Variants in SORCS2 observed in about 807,000 individuals in gnomAD.
SORCS2 encodes the protein VPS10 domain-containing receptor SorCS2.
In SORCS2, 100 loss-of-function variants were observed where a neutral mutation model predicts 141.6. That is an observed-to-expected ratio of 0.71 (90% confidence interval 0.60 to 0.83). SORCS2 has a LOEUF of 0.83. SORCS2 is among the 40% of genes least tolerant of loss of function. The probability of loss-of-function intolerance (pLI) is 0.00; values close to 1 mark genes in which losing one functional copy is unlikely to be tolerated. For synonymous variants in SORCS2, 789 were observed against 676.9 expected, an observed-to-expected ratio of 1.17 and a Z score of -2.57; for missense variants, 1,646 against 1,560.2, an observed-to-expected ratio of 1.05 and a Z score of -0.93.
intron 4 of SORCS2, among the ~76,000 whole-genome samples, chr4:7,644,773 G>A (rs1319699636): frequency 6.6e-6 from 1 of 152,180 alleles, no homozygotes; most frequent in Non-Finnish European, 1.5e-5. Context: ...ATCTTCATAT[G>A]AGAGTGGGAG....
At chr4:7,493,066 G>A (rs1377000656) in intron 2 of SORCS2, among the ~76,000 whole-genome samples, 1 of 152,236 alleles carries the variant, frequency 6.6e-6, no homozygotes, top group Admixed American at 6.5e-5. Flanking sequence ...TCCATCTGGG[G>A]TGTGGCCATG....
intron 3 of SORCS2, among the ~76,000 whole-genome samples, chr4:7,602,459 G>A (rs184942529): frequency 0.013 from 1,964 of 150,728 alleles, 50 homozygotes; most frequent in African/African-American, 0.046. Context: ...AGGCAGAGGC[G>A]CTCCTCACAT....
intron 4 of SORCS2, among the ~76,000 whole-genome samples, chr4:7,653,793 C>T (rs969123774): frequency 2.6e-5 from 4 of 152,208 alleles, no homozygotes; most frequent in African/African-American, 9.6e-5. Flanking sequence ...ACACGTGGCT[C>T]CTTCCTCCCA....
chr4:7,403,997 A>ATATATATATATTTTT (rs1265288820), intron 2 of SORCS2, among the ~76,000 whole-genome samples: 18 of 18,966 alleles, frequency 9.5e-4, no homozygotes, highest in Non-Finnish European at 1.9e-3. Flanking sequence ...ATATATATAT[A>ATATATATATATTTTT]TTTTTTTTTT....
chr4:7,719,836 C>T (rs929960296), intron 18 of SORCS2, among the ~76,000 whole-genome samples: 4 of 152,178 alleles, frequency 2.6e-5, no homozygotes, highest in South Asian at 2.1e-4. Flanking sequence ...CCCAGGGGGC[C>T]GGGACCCTTG....
intron 2 of SORCS2, among the ~76,000 whole-genome samples, chr4:7,435,831 C>T (rs930547095): frequency 9.2e-5 from 14 of 152,250 alleles, no homozygotes; most frequent in Non-Finnish European, 1.6e-4. Context: ...GAGTCAGCCT[C>T]ACCTCTGGCC....
Position 7,242,536 on chromosome 4 carries a change from G to A in SORCS2, c.480+49410G>A, listed in dbSNP as rs542515200. Among the ~76,000 whole-genome samples the A allele has an allele frequency of 4.6e-5, 7 of 152,056 alleles. No homozygotes were observed. The East Asian group carries it at 1.2e-3, about 25-fold the overall frequency. On this transcript the variant is annotated intron_variant, in intron 1 of 26. Transcript: ENST00000507866. Reference sequence around the variant, plus strand: ...AATCCCTGAATCTTTAGCTCACTGCGTCATCCCCAAGCCCGTCTCTTCCCC... The same window carrying A: ...AATCCCTGAATCTTTAGCTCACTGCATCATCCCCAAGCCCGTCTCTTCCCC...
chr4:7,703,347 C>G lies in SORCS2; in HGVS notation c.1736C>G (p.Thr579Ser), dbSNP rs1205525755. 1 of 1,613,402 alleles carries G rather than the reference C, an allele frequency of 6.2e-7. No homozygotes were observed. Among genetic ancestry groups the G allele is most frequent in the South Asian group, 1.1e-5 (1 of 90,910 alleles). ...GGCGTGATCGTGGCCATCAAAGACA[C>G]CTCCATCCCTTTGAAGATCCTCAAG... ...HGGVIVAIKD[T>S]SIPLKILKFS... Residue 579 changes from threonine (T) to serine (S), a missense_variant, in exon 13 of 27, where the codon ACC becomes AGC. Coordinates refer to ENST00000507866, the MANE Select transcript of SORCS2 (RefSeq NM_020777.3).
intron 1 of SORCS2, among the ~76,000 whole-genome samples, chr4:7,268,870 C>T (rs1423212925): frequency 6.6e-6 from 1 of 151,734 alleles, no homozygotes; most frequent in African/African-American, 2.4e-5. Context: ...TGAGATGCCA[C>T]AGATGGAGGA....
At chr4:7,325,645 T>C (rs1719204727) in intron 1 of SORCS2, among the ~76,000 whole-genome samples, 1 of 152,178 alleles carries the variant, frequency 6.6e-6, no homozygotes, top group Non-Finnish European at 1.5e-5. Flanking sequence ...TCACTATACC[T>C]TGGGGACATG....
At chr4:7,443,921 G>C (rs1363084738) in intron 2 of SORCS2, among the ~76,000 whole-genome samples, 1 of 152,228 alleles carries the variant, frequency 6.6e-6, no homozygotes, top group African/African-American at 2.4e-5. Context: ...GGCTGCCGCT[G>C]CTGGCCGATC....
At chr4:7,448,604 CCCTTCCTTCCTTCCTT>C (rs10531260) in intron 2 of SORCS2, among the ~76,000 whole-genome samples, 1 of 115,580 alleles carries the variant, frequency 8.7e-6, no homozygotes, top group Non-Finnish European at 1.8e-5. Context: ...CTTCCTCTAT[CCCTTCCTTCCTTCCTT>C]CCTTCCTTCC....
intron 1 of SORCS2, among the ~76,000 whole-genome samples, chr4:7,374,150 T>TCTTC (rs1722468760): frequency 6.8e-6 from 1 of 146,384 alleles, no homozygotes; most frequent in Admixed American, 6.8e-5. Flanking sequence ...TTTCTTTCTT[T>TCTTC]CTTTCTTTCT....
At chr4:7,403,959 GTGTATATA>G (rs1425419931) in intron 2 of SORCS2, among the ~76,000 whole-genome samples, 2 of 13,026 alleles carry the variant, frequency 1.5e-4, no homozygotes, top group South Asian at 8.9e-3. Context: ...GCCTCCATGT[GTGTATATA>G]TATATATATA....
chr4:7,443,664 G>A (rs1025547024), intron 2 of SORCS2, among the ~76,000 whole-genome samples: 1 of 152,254 alleles, frequency 6.6e-6, no homozygotes, highest in Non-Finnish European at 1.5e-5. Context: ...AAACTTAGGT[G>A]TTGAGACTCA....
At chr4:7,522,030 A>G (rs1264888054) in intron 2 of SORCS2, among the ~76,000 whole-genome samples, 1 of 152,212 alleles carries the variant, frequency 6.6e-6, no homozygotes, top group Non-Finnish European at 1.5e-5. Flanking sequence ...TGCATGTTCT[A>G]CACACACCTC....
In SORCS2 at chr4:7,385,001, G is replaced by C. The variant is rs147161985; in HGVS notation, c.481-11287G>C. Among the ~76,000 whole-genome samples, 575 of 152,322 alleles carry C rather than the reference G, an allele frequency of 3.8e-3. 3 individuals carry two copies. The highest frequency in any genetic ancestry group is 0.013 in the African/African-American group (533 of 41,582). On this transcript the variant is annotated intron_variant, in intron 1 of 26. Transcript: ENST00000507866. ...AGCTCTGATGGCTCCACTTTGGAGG[G>C]AGAGCCTTCAGGGATGCTCTGCGGG...
chr4:7,739,054 C>G (rs1369157602), intron 26 of SORCS2, among the ~76,000 whole-genome samples: 1 of 152,202 alleles, frequency 6.6e-6, no homozygotes, highest in African/African-American at 2.4e-5. Context: ...CAGCGCCTCC[C>G]AGACACCGTC....
At position 7,723,912 on chromosome 4, in the gene SORCS2, G is replaced by A. The variant is rs770136286; in HGVS notation, c.2611+29G>A. ...AGTTTATTGCCCCTTTGAGGCCAAA[G>A]GTCACTCCCTTTGAGAGAGAGAACC... On this transcript the variant is annotated intron_variant, in intron 19 of 26. Transcript: ENST00000507866. 3.2e-6 allele frequency: 5 copies of A among 1,570,034 alleles called. No individual in the cohort carries two copies. In the East Asian group the frequency reaches 1.1e-4, roughly 36 times the overall value.
Sources: allele counts gnomAD v4.1 joint callset (sites outside exome capture counted in the v4.1 genomes callset), GRCh38; gene constraint gnomAD v4.1.1; transcripts MANE v1.5; gene names NCBI Gene and HGNC (gene_info 2026-07-23, HGNC 2026-07-21).